The following WDPCP variants were observed in gnomAD, a reference collection of about 807,000 sequenced individuals.
WDPCP encodes WD repeat-containing and planar cell polarity effector protein fritz homolog.
A neutral mutation model predicts 93.1 loss-of-function variants in WDPCP; 71 were observed. The ratio of observed to expected loss-of-function variants is 0.76; its 90% confidence interval spans 0.63 to 0.93. WDPCP has a LOEUF of 0.93. Ranked by LOEUF, WDPCP falls within the 40% of genes least tolerant of loss-of-function variation. WDPCP has a pLI of 0.00. For missense variants in WDPCP, 844 were observed against 887.4 expected (o/e 0.95, Z 0.62); for synonymous variants, 315 against 315.0 (o/e 1.00, Z 0.00).
intron 1 of WDPCP, among the ~76,000 whole-genome samples, chr2:63,519,679 C>T (rs1234293231): frequency 6.6e-6 from 1 of 151,932 alleles, no homozygotes; most frequent in Non-Finnish European, 1.5e-5. Context: ...CTGAACCCAC[C>T]TTACACCACA....
chr2:63,761,401 T>C (rs567461583), intron 2 of WDPCP, among the ~76,000 whole-genome samples: 1 of 152,286 alleles, frequency 6.6e-6, no homozygotes, highest in East Asian at 1.9e-4. Context: ...GGCATCCTGT[T>C]ATAGCAACAA....
At chr2:63,824,263 T>A (rs556441798) in intron 1 of WDPCP, among the ~76,000 whole-genome samples, 25 of 152,200 alleles carry the variant, frequency 1.6e-4, no homozygotes, top group Admixed American at 1.6e-3. Flanking sequence ...GATTTTAAGT[T>A]TCCTGAGGAC....
intron 1 of WDPCP, among the ~76,000 whole-genome samples, chr2:63,511,716 C>G (rs1444501612): frequency 3.3e-5 from 5 of 152,070 alleles, no homozygotes; most frequent in Admixed American, 2.0e-4. Context: ...TGAAACTGGA[C>G]CACTTCCTTA....
At chr2:63,240,426 C>T (rs2104635196) in intron 14 of WDPCP, among the ~76,000 whole-genome samples, 1 of 152,228 alleles carries the variant, frequency 6.6e-6, no homozygotes, top group East Asian at 1.9e-4. Context: ...TATCCTCCCA[C>T]CTTGGCCTCT....
At chr2:63,563,681 G>A (rs988816826) in intron 1 of WDPCP, among the ~76,000 whole-genome samples, 3 of 152,024 alleles carry the variant, frequency 2.0e-5, no homozygotes, top group Admixed American at 1.3e-4. Context: ...GGCAATTCAG[G>A]TTAAATTGAG....
chr2:63,337,309 G>A (rs1267049701), intron 12 of WDPCP, among the ~76,000 whole-genome samples: 2 of 96,294 alleles, frequency 2.1e-5, no homozygotes, highest in African/African-American at 1.0e-4. Flanking sequence ...GTCGTAGCAA[G>A]TGACATGATT....
rs1681422817 is a variant in WDPCP, at chr2:63,259,414, G to A, written c.1813-5C>T. 1 of 1,604,986 alleles carries A rather than the reference G, an allele frequency of 6.2e-7. No homozygotes were observed. Among genetic ancestry groups the A allele is most frequent in the Admixed American group, 1.7e-5 (1 of 59,920 alleles). On this transcript the variant is annotated splice_region_variant and splice_polypyrimidine_tract_variant and intron_variant, in intron 13 of 17. Coordinates refer to ENST00000272321, the MANE Select transcript of WDPCP (RefSeq NM_015910.7). ...TAGTGCAAGGTAATGAATATCCTGA[G>A]GAAATAAAGCAAAATAAAAGATTGA...
intron 1 of WDPCP, among the ~76,000 whole-genome samples, chr2:63,579,335 C>T (rs1051805471): frequency 3.9e-5 from 6 of 152,182 alleles, no homozygotes; most frequent in Non-Finnish European, 1.5e-5. Flanking sequence ...ACTGGTTGGG[C>T]ACAGTGGTTC....
intron 2 of WDPCP, among the ~76,000 whole-genome samples, chr2:63,797,243 T>C (rs1670628619): frequency 6.6e-6 from 1 of 152,104 alleles, no homozygotes; most frequent in Non-Finnish European, 1.5e-5. Flanking sequence ...GCTTCAGGTG[T>C]AACCCAGAAT....
At chr2:63,410,980 G>C (rs1001836612) in intron 9 of WDPCP, among the ~76,000 whole-genome samples, 18 of 152,070 alleles carry the variant, frequency 1.2e-4, no homozygotes, top group Non-Finnish European at 8.8e-5. Flanking sequence ...CACTAGACAG[G>C]TCATCAAGAC....
intron 7 of WDPCP, chr2:63,437,818 T>G: frequency 6.4e-7 from 1 of 1,569,866 alleles, no homozygotes; most frequent in Non-Finnish European, 8.7e-7. Flanking sequence ...GAGATGTATT[T>G]AGAAACAGGG....
intron 14 of WDPCP, among the ~76,000 whole-genome samples, chr2:63,221,961 G>A (rs62177781): frequency 1.3e-5 from 2 of 152,044 alleles, no homozygotes; most frequent in African/African-American, 2.4e-5. Context: ...GGAGGGGTGC[G>A]GGCTGTCCCA....
At chr2:63,190,278 C>A (rs937547906) in intron 14 of WDPCP, among the ~76,000 whole-genome samples, 10 of 151,422 alleles carry the variant, frequency 6.6e-5, no homozygotes, top group Non-Finnish European at 1.2e-4. Context: ...AAAAGAAATA[C>A]AAAAACTAGC....
At chr2:63,663,353 A>G (rs868364604) in intron 2 of WDPCP, among the ~76,000 whole-genome samples, 1 of 152,202 alleles carries the variant, frequency 6.6e-6, no homozygotes, top group East Asian at 1.9e-4. Context: ...TGAAGCACAT[A>G]CTTGGAACTT....
chr2:63,543,818 G>T (rs562409068), intron 1 of WDPCP, among the ~76,000 whole-genome samples: 29 of 152,124 alleles, frequency 1.9e-4, no homozygotes, highest in African/African-American at 7.0e-4. Context: ...AGAATAATTT[G>T]AAATAGTAGA....
intron 3 of WDPCP, among the ~76,000 whole-genome samples, chr2:63,633,137 G>A (rs183006312): frequency 1.3e-3 from 203 of 152,270 alleles, no homozygotes; most frequent in African/African-American, 4.1e-3. Context: ...CTGTCCTTCA[G>A]CAATGAATGA....
Position 63,466,408 on chromosome 2 carries a change from A to T in WDPCP, c.384+18196T>A, listed in dbSNP as rs10191062. Among the ~76,000 whole-genome samples the T allele has an allele frequency of 1.0e-3, 153 of 152,252 alleles. No individual in the cohort carries two copies. The Middle Eastern group carries it at 0.01, about 10-fold the overall frequency. The stretch of plus-strand genomic sequence containing the variant: ...AGTTACATTGACATATATATATATA[A>T]AACGTAATATTCTCAAATATCACGA... On this transcript the variant is annotated intron_variant, in intron 6 of 17. Transcript: ENST00000272321.
chr2:63,449,203 C>A (rs1354588432), intron 6 of WDPCP, among the ~76,000 whole-genome samples: 3 of 152,082 alleles, frequency 2.0e-5, no homozygotes, highest in Non-Finnish European at 4.4e-5. Context: ...GGGAGTTTTA[C>A]AACTTCTCCT....
At chr2:63,493,315 T>C (rs968974896) in intron 1 of WDPCP, among the ~76,000 whole-genome samples, 1 of 152,176 alleles carries the variant, frequency 6.6e-6, no homozygotes, top group African/African-American at 2.4e-5. Flanking sequence ...TTGGTAGTTA[T>C]TAAGTACGAG....
Sources: allele counts gnomAD v4.1 joint callset (sites outside exome capture counted in the v4.1 genomes callset), GRCh38; gene constraint gnomAD v4.1.1; transcripts MANE v1.5; gene names NCBI Gene and HGNC (gene_info 2026-07-23, HGNC 2026-07-21).